Variants in CTNNA3 observed in about 807,000 individuals in gnomAD.
The protein encoded by CTNNA3 is catenin alpha-3.
A neutral mutation model predicts 95.7 loss-of-function variants in CTNNA3; 76 were observed. The observed-to-expected ratio is 0.79, with a 90% CI of 0.66 to 0.96. The LOEUF is 0.96. Ranked by LOEUF, CTNNA3 falls within the 40% of genes least tolerant of loss-of-function variation. The probability of loss-of-function intolerance (pLI) is 0.00; values close to 1 mark genes in which losing one functional copy is unlikely to be tolerated. For missense variants in CTNNA3, 1,191 were observed against 1,089.8 expected (o/e 1.09, Z -1.31); for synonymous variants, 431 against 374.4 (o/e 1.15, Z -1.74).
intron 13 of CTNNA3, among the ~76,000 whole-genome samples, chr10:66,185,233 T>C (rs1305045568): frequency 6.6e-6 from 1 of 152,132 alleles, no homozygotes; most frequent in Non-Finnish European, 1.5e-5. Context: ...AAAACATCAC[T>C]TTTGAATAAC....
intron 17 of CTNNA3, among the ~76,000 whole-genome samples, chr10:65,947,484 T>C (rs369620983): frequency 6.6e-4 from 101 of 152,308 alleles, no homozygotes; most frequent in African/African-American, 2.2e-3. Flanking sequence ...TGCTGGACAC[T>C]AGGCTAAGCA....
At chr10:66,684,215 G>C (rs1232890956) in intron 9 of CTNNA3, among the ~76,000 whole-genome samples, 4 of 152,094 alleles carry the variant, frequency 2.6e-5, no homozygotes, top group South Asian at 4.1e-4. Flanking sequence ...GAAGTGTGGT[G>C]CTACTGGCAT....
At chr10:66,294,033 C>T (rs2091734722) in intron 12 of CTNNA3, among the ~76,000 whole-genome samples, 1 of 152,086 alleles carries the variant, frequency 6.6e-6, no homozygotes, top group African/African-American at 2.4e-5. Context: ...ATGACCTCTT[C>T]TAGGAGATTA....
At chr10:67,579,930 G>A (rs1213921590) in intron 3 of CTNNA3, among the ~76,000 whole-genome samples, 1 of 152,170 alleles carries the variant, frequency 6.6e-6, no homozygotes, top group Non-Finnish European at 1.5e-5. Context: ...ATTTGTTTAA[G>A]TTCTTTATCG....
At chr10:66,751,317 G>C (rs895479638) in intron 9 of CTNNA3, among the ~76,000 whole-genome samples, 15 of 152,082 alleles carry the variant, frequency 9.9e-5, no homozygotes, top group African/African-American at 2.9e-4. Flanking sequence ...ATATAGGAAA[G>C]CAATTGACTT....
At chr10:66,091,002 T>C (rs1249419292) in intron 14 of CTNNA3, among the ~76,000 whole-genome samples, 1 of 152,002 alleles carries the variant, frequency 6.6e-6, no homozygotes, top group Non-Finnish European at 1.5e-5. Flanking sequence ...TGCATTTGGC[T>C]TCTTTTTCTG....
chr10:66,865,338 G>A (rs12259016), intron 7 of CTNNA3, among the ~76,000 whole-genome samples: 1,790 of 151,886 alleles, frequency 0.012, 31 homozygotes, highest in African/African-American at 0.041. Flanking sequence ...GTCAGAGTAC[G>A]TATTTCTATC....
chr10:66,751,738 G>C (rs1839148218), intron 9 of CTNNA3, among the ~76,000 whole-genome samples: 1 of 151,496 alleles, frequency 6.6e-6, no homozygotes, highest in Non-Finnish European at 1.5e-5. Flanking sequence ...ACTTAAATTA[G>C]TTTATACATC....
In CTNNA3 at chr10:67,589,550, TTCTC is replaced by T. The variant is rs1842733227; in HGVS notation, c.292+17303_292+17306del. 2.0e-5 allele frequency among the ~76,000 whole-genome samples: 3 copies of T among 152,274 alleles called. No homozygotes were observed. In the South Asian group the frequency reaches 6.2e-4, roughly 32 times the overall value. Reference sequence around the variant, plus strand: ...ACTAATCACTTCCTTTCCATAATCTTTCTCTCTCATTATAAACTCTTATTTCTGA... The same window carrying T: ...ACTAATCACTTCCTTTCCATAATCTTTCTCATTATAAACTCTTATTTCTGA... On this transcript the variant is annotated intron_variant, in intron 3 of 17. Transcript: ENST00000433211.
intron 5 of CTNNA3, among the ~76,000 whole-genome samples, chr10:67,379,877 C>T (rs1589233099): frequency 1.3e-5 from 2 of 151,712 alleles, no homozygotes; most frequent in East Asian, 3.9e-4. Flanking sequence ...AAAAATTAGC[C>T]GGGCGTAGTG....
chr10:66,734,245 T>TTC (rs1849058217), intron 9 of CTNNA3, among the ~76,000 whole-genome samples: 1 of 152,000 alleles, frequency 6.6e-6, no homozygotes. Flanking sequence ...CTCTCTTTTC[T>TTC]TCTCTCTCTC....
chr10:66,612,625 T>C (rs1212634861), intron 10 of CTNNA3, among the ~76,000 whole-genome samples: 1 of 152,078 alleles, frequency 6.6e-6, no homozygotes, highest in East Asian at 1.9e-4. Flanking sequence ...CCAGAAAAGG[T>C]TGATCCCCAC....
intron 7 of CTNNA3, among the ~76,000 whole-genome samples, chr10:66,979,884 A>T (rs1564809424): frequency 6.6e-6 from 1 of 152,192 alleles, no homozygotes; most frequent in Non-Finnish European, 1.5e-5. Flanking sequence ...AACAAAATAG[A>T]AAAAGCCTGT....
At chr10:66,302,444 C>G (rs149169671) in intron 12 of CTNNA3, among the ~76,000 whole-genome samples, 4 of 152,144 alleles carry the variant, frequency 2.6e-5, no homozygotes, top group Non-Finnish European at 5.9e-5. Context: ...GTAATCATGA[C>G]AGCATTGTGT....
chr10:66,881,421 G>T (rs1267268809), intron 7 of CTNNA3, among the ~76,000 whole-genome samples: 1 of 152,064 alleles, frequency 6.6e-6, no homozygotes, highest in African/African-American at 2.4e-5. Context: ...CTGTGTGCTG[G>T]ATTATTCTTA....
chr10:66,505,416 A>T (rs1840416099), intron 11 of CTNNA3, among the ~76,000 whole-genome samples: 2 of 152,208 alleles, frequency 1.3e-5, no homozygotes, highest in Non-Finnish European at 2.9e-5. Context: ...TTCAGTCTCC[A>T]CAATGATCCC....
At chr10:66,710,378 G>A (rs1487564957) in intron 9 of CTNNA3, among the ~76,000 whole-genome samples, 4 of 152,044 alleles carry the variant, frequency 2.6e-5, no homozygotes, top group African/African-American at 7.2e-5. Flanking sequence ...TAACCCAAAA[G>A]TTGGGCTTTT....
intron 11 of CTNNA3, among the ~76,000 whole-genome samples, chr10:66,385,221 A>G (rs1244823040): frequency 2.6e-5 from 4 of 152,222 alleles, no homozygotes; most frequent in Admixed American, 1.3e-4. Context: ...AAAAGAGAGA[A>G]GAATCAAATG....
chr10:67,457,646 G>A (rs1043361336), intron 5 of CTNNA3, among the ~76,000 whole-genome samples: 4 of 152,136 alleles, frequency 2.6e-5, no homozygotes, highest in Non-Finnish European at 4.4e-5. Flanking sequence ...TAGGCCGCAT[G>A]GGCTAAAATC....
Sources: allele counts gnomAD v4.1 joint callset (sites outside exome capture counted in the v4.1 genomes callset), GRCh38; gene constraint gnomAD v4.1.1; transcripts MANE v1.5; gene names NCBI Gene and HGNC (gene_info 2026-07-23, HGNC 2026-07-21).